The following CSMD1 variants were observed in gnomAD, a reference collection of about 807,000 sequenced individuals.
CSMD1 encodes CUB and Sushi multiple domains 1.
A neutral mutation model predicts 417.5 loss-of-function variants in CSMD1; 213 were observed. The observed-to-expected ratio is 0.51, with a 90% CI of 0.46 to 0.57. The LOEUF is 0.57. CSMD1 is among the 20% of genes least tolerant of loss of function. The pLI is 0.00. For missense variants in CSMD1, 6,923 were observed against 4,529.7 expected, an observed-to-expected ratio of 1.53 and a Z score of -15.17; for synonymous variants, 2,862 against 1,736.8, an observed-to-expected ratio of 1.65 and a Z score of -16.11.
intron 52 of CSMD1, among the ~76,000 whole-genome samples, chr8:3,010,489 C>G (rs1191426859): frequency 6.6e-6 from 1 of 152,108 alleles, no homozygotes; most frequent in Non-Finnish European, 1.5e-5. Flanking sequence ...GTCGAGAGTT[C>G]GACCCCAGCA....
At chr8:3,353,325 G>C (rs1015641735) in intron 21 of CSMD1, among the ~76,000 whole-genome samples, 2 of 152,174 alleles carry the variant, frequency 1.3e-5, no homozygotes, top group African/African-American at 4.8e-5. Context: ...TAAATCAGAA[G>C]AATTCTTGCG....
At chr8:4,937,892 C>T (rs1420990205) in intron 1 of CSMD1, among the ~76,000 whole-genome samples, 1 of 152,078 alleles carries the variant, frequency 6.6e-6, no homozygotes, top group East Asian at 1.9e-4. Flanking sequence ...TTTCACCTTG[C>T]TTGTTTTTCC....
chr8:4,087,021 T>G (rs1470846184), intron 3 of CSMD1, among the ~76,000 whole-genome samples: 1 of 152,230 alleles, frequency 6.6e-6, no homozygotes, highest in Non-Finnish European at 1.5e-5. Flanking sequence ...ATGTACATCA[T>G]GGAATTAAGT....
At chr8:3,355,304 G>C (rs1280309607) in intron 21 of CSMD1, among the ~76,000 whole-genome samples, 1 of 151,952 alleles carries the variant, frequency 6.6e-6, no homozygotes, top group Non-Finnish European at 1.5e-5. Context: ...CTGAAATGAT[G>C]TCATAGATGC....
chr8:4,805,501 C>T (rs1224000014), intron 1 of CSMD1, among the ~76,000 whole-genome samples: 1 of 152,106 alleles, frequency 6.6e-6, no homozygotes, highest in Admixed American at 6.6e-5. Flanking sequence ...CGCCACCACT[C>T]TGCATTGTCA....
chr8:3,111,557 C>T (rs753885828), intron 42 of CSMD1, among the ~76,000 whole-genome samples: 22 of 152,088 alleles, frequency 1.4e-4, no homozygotes, highest in Non-Finnish European at 2.1e-4. Context: ...ATAGGCTGGG[C>T]ACGGTGGCTC....
chr8:3,661,103 T>C (rs2624083), intron 7 of CSMD1, among the ~76,000 whole-genome samples: 53,929 of 152,032 alleles, frequency 0.35, 10,065 homozygotes, highest in East Asian at 0.62. Context: ...CCGGGTTCCA[T>C]CTGTTAAAGC....
At chr8:3,668,527 C>G (rs773042435) in intron 7 of CSMD1, among the ~76,000 whole-genome samples, 1 of 152,142 alleles carries the variant, frequency 6.6e-6, no homozygotes, top group Non-Finnish European at 1.5e-5. Context: ...CATTGTACAC[C>G]TTGGTCCTAT....
intron 3 of CSMD1, among the ~76,000 whole-genome samples, chr8:4,329,915 G>C (rs1429952362): frequency 6.6e-6 from 1 of 151,980 alleles, no homozygotes; most frequent in South Asian, 2.1e-4. Flanking sequence ...CTCTGGCCAT[G>C]TGAGGTGTCT....
intron 1 of CSMD1, among the ~76,000 whole-genome samples, chr8:4,797,224 G>A (rs1170287926): frequency 3.3e-5 from 5 of 152,168 alleles, no homozygotes; most frequent in Non-Finnish European, 7.4e-5. Context: ...TTTCCAATGA[G>A]GGAGATGAGG....
chr8:3,350,601 A>C (rs528832779), intron 21 of CSMD1, among the ~76,000 whole-genome samples: 24 of 152,318 alleles, frequency 1.6e-4, no homozygotes, highest in Admixed American at 1.4e-3. Context: ...GGAGTAACAC[A>C]AGTTTAAATG....
intron 3 of CSMD1, among the ~76,000 whole-genome samples, chr8:4,146,176 G>A (rs758203035): frequency 4.0e-5 from 6 of 150,842 alleles, no homozygotes; most frequent in East Asian, 1.9e-4. Flanking sequence ...ATACTCCGCT[G>A]GCCAAGTCGA....
At chr8:4,278,253 C>T (rs1177702726) in intron 3 of CSMD1, among the ~76,000 whole-genome samples, 1 of 152,042 alleles carries the variant, frequency 6.6e-6, no homozygotes, top group Non-Finnish European at 1.5e-5. Flanking sequence ...GATTAAAATT[C>T]AGTTTAATTT....
intron 38 of CSMD1, 63 bp from the exon 39 acceptor site, chr8:3,158,029 G>T (rs1819643440): frequency 1.6e-6 from 2 of 1,277,640 alleles, no homozygotes; most frequent in Non-Finnish European, 2.2e-6. Flanking sequence ...AGGATTAAAT[G>T]TTTGAGAATA....
intron 12 of CSMD1, among the ~76,000 whole-genome samples, chr8:3,428,816 A>G (rs182151887): frequency 2.6e-5 from 4 of 152,340 alleles, no homozygotes; most frequent in Admixed American, 2.6e-4. Flanking sequence ...GTGTCAATCA[A>G]TGGATGAATA....
chr8:4,052,628 C>G (rs1422415395), intron 3 of CSMD1, among the ~76,000 whole-genome samples: 1 of 152,088 alleles, frequency 6.6e-6, no homozygotes, highest in Non-Finnish European at 1.5e-5. Flanking sequence ...AGTATTTCAA[C>G]CTAGGCATCT....
intron 5 of CSMD1, among the ~76,000 whole-genome samples, chr8:3,758,130 A>C (rs867541757): frequency 6.6e-6 from 1 of 151,934 alleles, no homozygotes; most frequent in Admixed American, 6.6e-5. Context: ...CACCTGGCTA[A>C]TTTTTGTATA....
intron 5 of CSMD1, among the ~76,000 whole-genome samples, chr8:3,805,305 G>A (rs1406022225): frequency 6.6e-6 from 1 of 152,116 alleles, no homozygotes; most frequent in Non-Finnish European, 1.5e-5. Context: ...GATTCCACCA[G>A]GACACCAGCC....
intron 2 of CSMD1, among the ~76,000 whole-genome samples, chr8:4,630,159 T>C (rs907303864): frequency 6.6e-6 from 1 of 152,140 alleles, no homozygotes; most frequent in Non-Finnish European, 1.5e-5. Context: ...CCTCATAGTA[T>C]TGCAAACATA....
Sources: allele counts gnomAD v4.1 joint callset (sites outside exome capture counted in the v4.1 genomes callset), GRCh38; gene constraint gnomAD v4.1.1; transcripts MANE v1.5; gene names NCBI Gene and HGNC (gene_info 2026-07-23, HGNC 2026-07-21).